The following PIBF1 variants were observed in gnomAD, a reference collection of about 807,000 sequenced individuals.
PIBF1 encodes progesterone immunomodulatory binding factor 1.
PIBF1 carries 90 observed loss-of-function variants against 112.5 expected under a neutral mutation model. The observed-to-expected ratio is 0.80, with a 90% CI of 0.67 to 0.95. The LOEUF (loss-of-function observed/expected upper bound fraction) is 0.95, where lower values mean the gene tolerates loss of function less well. Among genes scored for constraint, PIBF1 ranks in the 40% least tolerant of loss-of-function variants. The pLI is 0.00. For missense variants in PIBF1, 915 were observed against 852.3 expected, an observed-to-expected ratio of 1.07 and a Z score of -0.92; for synonymous variants, 301 against 288.6, an observed-to-expected ratio of 1.04 and a Z score of -0.44.
intron 11 of PIBF1, among the ~76,000 whole-genome samples, chr13:72,900,193 A>G (rs887141918): frequency 1.3e-5 from 2 of 152,182 alleles, no homozygotes; most frequent in Non-Finnish European, 2.9e-5. Flanking sequence ...GAATCTACAA[A>G]TTTAATGCAA....
At chr13:72,866,229 C>G (rs982766787) in intron 10 of PIBF1, among the ~76,000 whole-genome samples, 4 of 152,182 alleles carry the variant, frequency 2.6e-5, no homozygotes, top group Non-Finnish European at 5.9e-5. Context: ...AGATGCTTAA[C>G]TTAATCACAT....
rs536206814 is a variant in PIBF1, at chr13:73,001,529, G to A, written c.2223+2534G>A. Among the ~76,000 whole-genome samples the A allele has an allele frequency of 3.4e-5, 5 of 148,536 alleles. No individual in the cohort carries two copies. In the South Asian group the frequency reaches 1.1e-3, roughly 32 times the overall value. Reference sequence around the variant, plus strand: ...GCCACACAAAACTACTGTTAACTGGGTAATGGAGTGGGAGCAGTGCTGTGA... The same window carrying A: ...GCCACACAAAACTACTGTTAACTGGATAATGGAGTGGGAGCAGTGCTGTGA... On this transcript the variant is annotated intron_variant, in intron 17 of 17. Coordinates refer to ENST00000326291, the MANE Select transcript of PIBF1 (RefSeq NM_006346.4).
At chr13:73,008,089 A>G (rs970779633) in intron 17 of PIBF1, among the ~76,000 whole-genome samples, 5 of 152,246 alleles carry the variant, frequency 3.3e-5, no homozygotes, top group South Asian at 4.1e-4. Context: ...TGAGACTTAC[A>G]TACTAATGTA....
intron 7 of PIBF1, 114 bp from the exon 8 acceptor site, chr13:72,827,614 TTTTAA>T: frequency 1.7e-6 from 1 of 604,416 alleles, no homozygotes; most frequent in South Asian, 4.2e-5. Flanking sequence ...AATTAGCCCT[TTTTAA>T]AAGGAAAATT....
At chr13:72,961,873 T>A (rs2042616627) in intron 14 of PIBF1, among the ~76,000 whole-genome samples, 1 of 152,158 alleles carries the variant, frequency 6.6e-6, no homozygotes, top group Admixed American at 6.5e-5. Flanking sequence ...GTTGTGTATA[T>A]ATAAGTTGAT....
chr13:73,011,827 C>G lies in PIBF1; in HGVS notation c.2224-4042C>G, dbSNP rs1449823126. On this transcript the variant is annotated intron_variant, in intron 17 of 17. Coordinates refer to ENST00000326291, the MANE Select transcript of PIBF1 (RefSeq NM_006346.4). ...CAGGTAGACTAAAAACCAAAAAACA[C>G]AGTTTGAAGAGACAGTGCAAGCATC... Among the ~76,000 whole-genome samples, 3 of 152,086 alleles carry G rather than the reference C, an allele frequency of 2.0e-5. No homozygotes were observed. In the East Asian group the frequency reaches 5.8e-4, roughly 29 times the overall value.
intron 2 of PIBF1, among the ~76,000 whole-genome samples, chr13:72,783,950 G>T (rs1190785320): frequency 6.6e-6 from 1 of 152,054 alleles, no homozygotes; most frequent in Non-Finnish European, 1.5e-5. Flanking sequence ...GTTGGTCAAA[G>T]GATACATAAT....
chr13:72,927,533 T>C (rs527661828), intron 13 of PIBF1, among the ~76,000 whole-genome samples: 9 of 152,048 alleles, frequency 5.9e-5, no homozygotes, highest in African/African-American at 1.7e-4. Flanking sequence ...AAAAAAGATG[T>C]GTGCCACCAC....
intron 17 of PIBF1, among the ~76,000 whole-genome samples, chr13:73,014,698 T>C: frequency 6.6e-6 from 1 of 152,110 alleles, no homozygotes; most frequent in South Asian, 2.1e-4. Context: ...TACCTTCCTC[T>C]CAATTGTTTT....
chr13:72,942,100 C>A (rs530783327), intron 14 of PIBF1, among the ~76,000 whole-genome samples: 1 of 152,058 alleles, frequency 6.6e-6, no homozygotes, highest in Non-Finnish European at 1.5e-5. Context: ...CTTCCAGCAT[C>A]CCCAGTGAGC....
chr13:72,931,772 ATCT>A (rs1280967262), intron 14 of PIBF1, among the ~76,000 whole-genome samples: 44 of 134,088 alleles, frequency 3.3e-4, no homozygotes, highest in African/African-American at 1.1e-3. Context: ...ATTTTTAATC[ATCT>A]TCTGATGTCA....
chr13:72,867,418 CTTTA>C (rs1198105027), intron 10 of PIBF1, among the ~76,000 whole-genome samples: 1 of 152,078 alleles, frequency 6.6e-6, no homozygotes. Context: ...AAATGAAATT[CTTTA>C]TTTAAAGTAC....
At position 72,783,611 on chromosome 13, in the gene PIBF1, A is replaced by G. The variant is rs752301378; in HGVS notation, c.142A>G (p.Arg48Gly). 1.2e-5 allele frequency: 19 copies of G among 1,614,150 alleles called. No homozygotes were observed. The East Asian group carries it at 2.5e-4, about 21-fold the overall frequency. Residue 48 changes from arginine to glycine, a missense_variant, in exon 2 of 18, where the codon AGG (arginine) becomes GGG (glycine). Arg to Gly is a moderately radical substitution (Grantham distance 125, BLOSUM62 -2). Coordinates refer to ENST00000326291, the MANE Select transcript of PIBF1 (RefSeq NM_006346.4). ...GCGAGAGGGCAAAGTCAGAATCACC[A>G]GGCAGCTAATTGAACGAAAAGAACT... ...EEREGKVRIT[R>G]QLIERKELLH...
At chr13:72,889,723 G>A (rs9543161) in intron 10 of PIBF1, among the ~76,000 whole-genome samples, 16,738 of 152,100 alleles carry the variant, frequency 0.11, 1,264 homozygotes, top group Non-Finnish European at 0.17. Flanking sequence ...TGCCTCAGCT[G>A]CTGCACTATC....
intron 17 of PIBF1, among the ~76,000 whole-genome samples, chr13:73,008,705 C>CT (rs2044111691): frequency 6.6e-6 from 1 of 152,130 alleles, no homozygotes; most frequent in African/African-American, 2.4e-5. Flanking sequence ...TATGAGGTAA[C>CT]TGAGAAGTCC....
chr13:73,006,050 G>A (rs2044024138), intron 17 of PIBF1, among the ~76,000 whole-genome samples: 1 of 150,548 alleles, frequency 6.6e-6, no homozygotes, highest in Admixed American at 6.7e-5. Context: ...CTCCTGAGTA[G>A]CTGGGATTAC....
intron 11 of PIBF1, among the ~76,000 whole-genome samples, chr13:72,897,116 A>G (rs2040310921): frequency 6.6e-6 from 1 of 152,258 alleles, no homozygotes; most frequent in African/African-American, 2.4e-5. Context: ...CAGAAAGCCT[A>G]CAAGCTAGAA....
intron 2 of PIBF1, among the ~76,000 whole-genome samples, chr13:72,789,125 T>C (rs1354286272): frequency 1.3e-5 from 2 of 152,276 alleles, no homozygotes; most frequent in East Asian, 3.9e-4. Context: ...TTTATTTCCA[T>C]CTATTGCTGC....
intron 6 of PIBF1, among the ~76,000 whole-genome samples, chr13:72,824,788 G>A (rs969744147): frequency 6.6e-6 from 1 of 152,100 alleles, no homozygotes; most frequent in Admixed American, 6.5e-5. Flanking sequence ...TTAAACTCTG[G>A]CAGATGCTAC....
Sources: allele counts gnomAD v4.1 joint callset (sites outside exome capture counted in the v4.1 genomes callset), GRCh38; gene constraint gnomAD v4.1.1; transcripts MANE v1.5; gene names NCBI Gene and HGNC (gene_info 2026-07-23, HGNC 2026-07-21).